SEPTIN14: variants seen among roughly 807,000 people sequenced by gnomAD.
SEPTIN14 encodes septin-14.
In SEPTIN14, 40 loss-of-function variants were observed where a neutral mutation model predicts 53.6. That is an observed-to-expected ratio of 0.75 (90% CI 0.58 to 0.97). The LOEUF (loss-of-function observed/expected upper bound fraction) is 0.97. Ranked by LOEUF, SEPTIN14 falls within the 50% of genes least tolerant of loss-of-function variation. The pLI is 0.00. For missense variants in SEPTIN14, 471 were observed against 508.2 expected, an observed-to-expected ratio of 0.93 and a Z score of 0.70; for synonymous variants, 138 against 166.8, an observed-to-expected ratio of 0.83 and a Z score of 1.33.
chr7:55,830,138 G>T (rs1438802133), intron 6 of SEPTIN14, among the ~76,000 whole-genome samples: 1 of 143,550 alleles, frequency 7.0e-6, no homozygotes, highest in Non-Finnish European at 1.5e-5. Flanking sequence ...AGATCGCACC[G>T]CTGCACTCCA....
chr7:55,835,307 A>G (rs1294748889), intron 5 of SEPTIN14, among the ~76,000 whole-genome samples: 2 of 151,746 alleles, frequency 1.3e-5, no homozygotes, highest in Non-Finnish European at 2.9e-5. Flanking sequence ...GGTTCATGCC[A>G]TTCTCCTGCC....
chr7:55,858,531 G>C (rs983906654), intron 2 of SEPTIN14, among the ~76,000 whole-genome samples: 1 of 152,232 alleles, frequency 6.6e-6, no homozygotes, highest in South Asian at 2.1e-4. Context: ...TAGGCCAGGC[G>C]CAGTGGCTCA....
rs747584641 is a variant in SEPTIN14, at chr7:55,807,179, T to C, written c.897A>G (p.Lys299=). The C allele has an allele frequency of 8.7e-6, 14 of 1,610,854 alleles. No individual in the cohort carries two copies. The highest frequency in any genetic ancestry group is 1.2e-5 in the Non-Finnish European group (14 of 1,178,810). ...LCTNMENLKE[K]THTQHYECYR... The stretch of plus-strand genomic sequence containing the variant: ...AACATTCATAGTGCTGAGTGTGGGT[T>C]TTTTCTTTTAGATTTTCCATATTGG... Residue 299 remains lysine (K), a synonymous_variant, in exon 8 of 10, where the codon AAA becomes AAG. Transcript: ENST00000388975.
rs1312480613 is a variant in SEPTIN14, at chr7:55,819,209, A to T, written c.735T>A (p.Phe245Leu). The T allele has an allele frequency of 3.2e-6, 5 of 1,567,040 alleles. No individual in the cohort carries two copies. In the African/African-American group the frequency reaches 6.8e-5, roughly 21 times the overall value. The part of the protein sequence containing the change: ...ANSSVSGLLP[F>L]AVVGSTDEVK... ...CTTCATCTGTACTCCCTACCACAGC[A>T]AAGGGTAACAGCCCCTAGAAAACAA... Residue 245 changes from phenylalanine to leucine, a missense_variant, in exon 7 of 10, where the codon TTT becomes TTA. Coordinates refer to ENST00000388975, the MANE Select transcript of SEPTIN14 (RefSeq NM_207366.3).
At chr7:55,802,021 A>G (rs1788528577) in intron 9 of SEPTIN14, among the ~76,000 whole-genome samples, 1 of 140,888 alleles carries the variant, frequency 7.1e-6, no homozygotes, top group African/African-American at 2.8e-5. Flanking sequence ...TTTCTATGAG[A>G]CGGAGTCTTG....
chr7:55,825,183 C>A (rs1380147959), intron 6 of SEPTIN14, among the ~76,000 whole-genome samples: 1 of 151,880 alleles, frequency 6.6e-6, no homozygotes, highest in Admixed American at 6.6e-5. Flanking sequence ...AGCTATCAAG[C>A]CACAAAAAAA....
At chr7:55,796,232 A>G in intron 9 of SEPTIN14, 140 bp from the exon 10 acceptor site, 1 of 634,312 alleles carries the variant, frequency 1.6e-6, no homozygotes. Flanking sequence ...AAAACTCAGG[A>G]GTAAACACTG....
intron 2 of SEPTIN14, among the ~76,000 whole-genome samples, chr7:55,861,438 G>T (rs551621556): frequency 6.6e-6 from 1 of 151,372 alleles, no homozygotes; most frequent in South Asian, 2.1e-4. Flanking sequence ...GGAGGCAGAG[G>T]TTGCAGTGAG....
intron 9 of SEPTIN14, chr7:55,798,736 C>G: frequency 4.6e-6 from 1 of 217,220 alleles, no homozygotes; most frequent in Non-Finnish European, 9.5e-6. Flanking sequence ...AGTGGTGGTA[C>G]ACTCTGGGGC....
chr7:55,860,795 T>C lies in SEPTIN14; in HGVS notation c.54+1148A>G, dbSNP rs148222133. The stretch of plus-strand genomic sequence containing the variant: ...CTTGAGGGACACTGTTTGCTTCTCC[T>C]GCCATGTGAGGACACAGCTAGAAGC... On this transcript the variant is annotated intron_variant, in intron 2 of 9. Transcript: ENST00000388975. Among the ~76,000 whole-genome samples, 493 of 152,298 alleles carry C rather than the reference T, an allele frequency of 3.2e-3. 3 individuals carry two copies. The highest frequency in any genetic ancestry group is 0.011 in the African/African-American group (467 of 41,564).
intron 9 of SEPTIN14, among the ~76,000 whole-genome samples, chr7:55,796,487 T>G (rs1489779871): frequency 2.0e-5 from 3 of 151,984 alleles, no homozygotes; most frequent in Non-Finnish European, 4.4e-5. Flanking sequence ...GGTCTTGAAC[T>G]CCTAACCTCA....
At chr7:55,844,749 G>A in intron 3 of SEPTIN14, 31 bp from the exon 4 acceptor site, 1 of 1,207,202 alleles carries the variant, frequency 8.3e-7, no homozygotes. Context: ...TTGTCATAGG[G>A]ACATAAAGGG....
chr7:55,818,472 CAA>C lies in SEPTIN14; in HGVS notation c.817+653_817+654del, dbSNP rs61089405. 2.9e-4 allele frequency among the ~76,000 whole-genome samples: 25 copies of C among 86,262 alleles called. 1 individual carries two copies. Among genetic ancestry groups the C allele is most frequent in the Middle Eastern group, 6.7e-3 (1 of 150 alleles). 56.6% of individuals were successfully genotyped at this position (86,262 alleles called of 152,430 possible). A position where few individuals can be genotyped will look rare whatever the true frequency, so the allele number is the denominator to read the frequency against. On this transcript the variant is annotated intron_variant, in intron 7 of 9. Transcript: ENST00000388975. ...GGGCAACACGAGTGAAACTCTGTCT[CAA>C]AAAAAAAAAAAAAAAAAAAATCATT...
intron 6 of SEPTIN14, among the ~76,000 whole-genome samples, chr7:55,829,834 A>AG (rs1789064177): frequency 6.7e-6 from 1 of 149,402 alleles, no homozygotes; most frequent in African/African-American, 2.5e-5. Flanking sequence ...AAAAAAAAAA[A>AG]AAAAAAAAAA....
chr7:55,846,992 C>A lies in SEPTIN14; in HGVS notation c.55-355G>T, dbSNP rs1449488030. Among the ~76,000 whole-genome samples, 3 of 152,118 alleles carry A rather than the reference C, an allele frequency of 2.0e-5. No individual in the cohort carries two copies. In the East Asian group the frequency reaches 5.8e-4, roughly 29 times the overall value. On this transcript the variant is annotated intron_variant, in intron 2 of 9. Coordinates refer to ENST00000388975, the MANE Select transcript of SEPTIN14 (RefSeq NM_207366.3). ...CATGAGGTCAGGAGTTCGAGACCAG[C>A]CTGGCCAACATTGTGAAACCCCATC...
chr7:55,836,937 C>T (rs927884552), intron 5 of SEPTIN14, among the ~76,000 whole-genome samples: 14 of 152,008 alleles, frequency 9.2e-5, no homozygotes, highest in African/African-American at 3.1e-4. Flanking sequence ...ATAAAAGGAA[C>T]CCAACTTAGA....
intron 9 of SEPTIN14, chr7:55,798,685 C>A (rs762127756): frequency 7.1e-6 from 2 of 282,880 alleles, no homozygotes; most frequent in Admixed American, 4.1e-5. Flanking sequence ...ACCAGTGTCA[C>A]CCCAACCAGG....
intron 9 of SEPTIN14, among the ~76,000 whole-genome samples, chr7:55,803,864 T>C (rs866590278): frequency 1.3e-5 from 2 of 151,388 alleles, no homozygotes; most frequent in Non-Finnish European, 1.5e-5. Context: ...ATGGCTCATG[T>C]CTGTAATCCC....
intron 8 of SEPTIN14, among the ~76,000 whole-genome samples, chr7:55,806,717 C>T (rs1399308270): frequency 6.6e-6 from 1 of 150,384 alleles, no homozygotes; most frequent in Non-Finnish European, 1.5e-5. Context: ...CCCGCCTCAG[C>T]CTCCCAAAGT....
Sources: allele counts gnomAD v4.1 joint callset (sites outside exome capture counted in the v4.1 genomes callset), GRCh38; gene constraint gnomAD v4.1.1; transcripts MANE v1.5; gene names NCBI Gene and HGNC (gene_info 2026-07-23, HGNC 2026-07-21).